LMTK2: variants seen among roughly 807,000 people sequenced by gnomAD.
LMTK2 encodes the protein serine/threonine-protein kinase LMTK2.
A neutral mutation model predicts 127.5 loss-of-function variants in LMTK2; 37 were observed. The ratio of observed to expected loss-of-function variants is 0.29; its 90% CI spans 0.22 to 0.38. The LOEUF (loss-of-function observed/expected upper bound fraction) is 0.38. Ranked by LOEUF, LMTK2 falls within the 10% of genes least tolerant of loss-of-function variation. The pLI is 1.00. For synonymous variants in LMTK2, 819 were observed against 810.1 expected, an observed-to-expected ratio of 1.01 and a Z score of -0.19; for missense variants, 1,694 against 1,920.3, an observed-to-expected ratio of 0.88 and a Z score of 2.20.
intron 3 of LMTK2, among the ~76,000 whole-genome samples, chr7:98,150,603 A>G (rs929962709): frequency 8.5e-5 from 13 of 152,250 alleles, no homozygotes; most frequent in African/African-American, 3.1e-4. Flanking sequence ...TGTAAATGAC[A>G]TGAATGTCTG....
intron 7 of LMTK2, among the ~76,000 whole-genome samples, chr7:98,173,135 C>A (rs1194544938): frequency 6.6e-6 from 1 of 152,164 alleles, no homozygotes; most frequent in Admixed American, 6.5e-5. Flanking sequence ...TATGAAAACA[C>A]CTGGTCGTAT....
chr7:98,131,530 G>A (rs1796520074), intron 1 of LMTK2, among the ~76,000 whole-genome samples: 1 of 152,034 alleles, frequency 6.6e-6, no homozygotes, highest in East Asian at 1.9e-4. Context: ...TGGTTGATTA[G>A]ATTCAGGTTT....
chr7:98,208,819 ATG>A lies in LMTK2; in HGVS notation c.*3329_*3330del, dbSNP rs1797846505. On this transcript the variant is annotated 3_prime_UTR_variant, in exon 14 of 14. Transcript: ENST00000297293. ...CAAACAACGTTCGTTCTATTTTTAA[ATG>A]TACAGGTTCGATCGTTTCTATAGAA... The A allele has an allele frequency of 6.6e-6, 1 of 152,258 alleles. No homozygotes were observed. Among genetic ancestry groups the A allele is most frequent in the Admixed American group, 6.5e-5 (1 of 15,284 alleles). The allele number at this position is 152,258 out of a possible 1,614,324, so 9.4% of individuals were successfully genotyped here.
intron 1 of LMTK2, among the ~76,000 whole-genome samples, chr7:98,112,529 G>C (rs73710336): frequency 0.058 from 8,885 of 152,306 alleles, 870 homozygotes; most frequent in African/African-American, 0.2. Context: ...TTAAGGGCTT[G>C]ATAACTGCAG....
At chr7:98,169,751 C>A (rs1207864392) in intron 6 of LMTK2, among the ~76,000 whole-genome samples, 1 of 152,016 alleles carries the variant, frequency 6.6e-6, no homozygotes, top group Non-Finnish European at 1.5e-5. Context: ...GTTATCCTTA[C>A]AACTCCCAAG....
intron 4 of LMTK2, among the ~76,000 whole-genome samples, chr7:98,153,939 A>G (rs1222195133): frequency 6.6e-6 from 1 of 152,180 alleles, no homozygotes; most frequent in Admixed American, 6.5e-5. Context: ...TATATTTCTA[A>G]TAAACACATT....
intron 11 of LMTK2, among the ~76,000 whole-genome samples, chr7:98,196,399 C>T (rs1243752526): frequency 1.3e-5 from 2 of 152,184 alleles, no homozygotes; most frequent in Admixed American, 1.3e-4. Flanking sequence ...CCTGGCCCCT[C>T]GGGTTTGTGT....
At chr7:98,142,753 G>A (rs1178835817) in intron 3 of LMTK2, among the ~76,000 whole-genome samples, 1 of 152,180 alleles carries the variant, frequency 6.6e-6, no homozygotes, top group Non-Finnish European at 1.5e-5. Context: ...CAGGGGTTCA[G>A]CTGACCTTGG....
At chr7:98,164,814 G>A (rs1427361026) in intron 6 of LMTK2, among the ~76,000 whole-genome samples, 1 of 152,194 alleles carries the variant, frequency 6.6e-6, no homozygotes, top group East Asian at 1.9e-4. Flanking sequence ...AAAGGAGGAT[G>A]TAGACTAACC....
chr7:98,123,521 G>A (rs1344484327), intron 1 of LMTK2, among the ~76,000 whole-genome samples: 1 of 151,992 alleles, frequency 6.6e-6, no homozygotes, highest in Admixed American at 6.6e-5. Flanking sequence ...CTCTGTGGCC[G>A]CTGTCCAGCC....
intron 7 of LMTK2, among the ~76,000 whole-genome samples, chr7:98,184,096 G>A (rs1030756264): frequency 6.6e-6 from 1 of 152,118 alleles, no homozygotes; most frequent in Non-Finnish European, 1.5e-5. Context: ...AGGGCCAAGC[G>A]GGTGACTTGC....
chr7:98,171,128 C>T lies in LMTK2; in HGVS notation c.658-413C>T, dbSNP rs775201434. On this transcript the variant is annotated intron_variant, in intron 6 of 13. Transcript: ENST00000297293. The surrounding 1 kb of genome is among the most constrained non-coding windows in gnomAD (Gnocchi z 5.1). ...CTCCTCCAAGCTTTGGCAGTAACCA[C>T]GGCGCCTTCGTGATGAAGCGCTCAC... Among the ~76,000 whole-genome samples, 13 of 152,250 alleles carry T rather than the reference C, an allele frequency of 8.5e-5. No homozygotes were observed. The highest frequency in any genetic ancestry group is 6.8e-3 in the Middle Eastern group (2 of 294).
In LMTK2 at chr7:98,186,867, A is replaced by C. The variant is rs535906335; in HGVS notation, c.877-10A>C. The C allele has an allele frequency of 7.8e-5, 126 of 1,609,254 alleles. 2 individuals are homozygous for C. In the South Asian group the frequency reaches 1.2e-3, roughly 15 times the overall value. ...CTATTCAAAATTCTGTGTGCTTTCT[A>C]ACAAAACAGGAGGATTATATTGAAA... On this transcript the variant is annotated splice_polypyrimidine_tract_variant and intron_variant, in intron 8 of 13. Coordinates refer to ENST00000297293, the MANE Select transcript of LMTK2 (RefSeq NM_014916.4).
At chr7:98,151,686 TATC>T (rs1394735926) in intron 4 of LMTK2, among the ~76,000 whole-genome samples, 1 of 152,220 alleles carries the variant, frequency 6.6e-6, no homozygotes, top group Non-Finnish European at 1.5e-5. Flanking sequence ...TATAACAAAA[TATC>T]ATAAACTGGG....
At chr7:98,134,643 C>A (rs1399300855) in intron 1 of LMTK2, among the ~76,000 whole-genome samples, 3 of 150,882 alleles carry the variant, frequency 2.0e-5, no homozygotes, top group African/African-American at 7.3e-5. Context: ...AGTGAGACTC[C>A]CATCTCTCAA....
intron 7 of LMTK2, among the ~76,000 whole-genome samples, chr7:98,181,993 C>G (rs1001294318): frequency 1.3e-5 from 2 of 152,138 alleles, no homozygotes. Context: ...CAGGACTATT[C>G]AATGGAGAAA....
chr7:98,106,883 T>A lies in LMTK2; in HGVS notation c.-295T>A. 2 of 445,460 alleles carry A rather than the reference T, an allele frequency of 4.5e-6. No individual in the cohort carries two copies. The highest frequency in any genetic ancestry group is 7.9e-6 in the Non-Finnish European group (2 of 251,850). 27.6% of individuals were successfully genotyped at this position (445,460 alleles called of 1,614,324 possible). On this transcript the variant is annotated 5_prime_UTR_variant, in exon 1 of 14. It removes an upstream start codon present in the reference 5' UTR. Coordinates refer to ENST00000297293, the MANE Select transcript of LMTK2 (RefSeq NM_014916.4). ...CTACGTCACATGACGCAGCCCATCA[T>A]GGCGGCGGGAGCGCGGCTTCCCAGG...
chr7:98,205,319 A>G (rs1375006440), intron 13 of LMTK2, 145 bp from the exon 14 acceptor site: 1 of 904,828 alleles, frequency 1.1e-6, no homozygotes, highest in African/African-American at 1.7e-5. Flanking sequence ...TCCGAAGGAA[A>G]GGACAGGAAG....
At chr7:98,166,791 A>C (rs9640654) in intron 6 of LMTK2, among the ~76,000 whole-genome samples, 8,088 of 152,296 alleles carry the variant, frequency 0.053, 640 homozygotes, top group East Asian at 0.36. Flanking sequence ...GGTTCATGTA[A>C]GTATACTCTG....
Sources: gnomAD v4.1 joint callset for allele counts (sites outside exome capture counted in the v4.1 genomes callset) on GRCh38, gnomAD v4.1.1 for gene constraint, Gnocchi (gnomAD v3.1) non-coding constraint, MANE v1.5 for transcripts, NCBI Gene and HGNC (gene_info 2026-07-23, HGNC 2026-07-21) for gene names.